DLGAP3: variants seen among roughly 807,000 people sequenced by gnomAD.
The protein encoded by DLGAP3 is disks large-associated protein 3.
DLGAP3 carries 17 observed loss-of-function variants against 81.2 expected under a neutral mutation model. That is an observed-to-expected ratio of 0.21 (90% CI 0.14 to 0.31). DLGAP3 has a LOEUF of 0.31. DLGAP3 is among the 10% of genes least tolerant of loss of function. The pLI, the probability that DLGAP3 is intolerant of heterozygous loss-of-function variation, is 1.00. For missense variants in DLGAP3, 1,124 were observed against 1,388.0 expected (o/e 0.81, Z 3.02); for synonymous variants, 577 against 587.4 (o/e 0.98, Z 0.26).
At chr1:34,869,122 C>T in intron 8 of DLGAP3, 33 bp from the exon 9 acceptor site, 1 of 1,514,948 alleles carries the variant, frequency 6.6e-7, no homozygotes. Context: ...TCCCCCATTG[C>T]CCAGGCTCAT....
Position 34,904,481 on chromosome 1 carries a change from G to A in DLGAP3, c.903C>T (p.Phe301=), listed in dbSNP as rs771376929. 2 of 1,614,204 alleles carry A rather than the reference G, an allele frequency of 1.2e-6. No homozygotes were observed. Among genetic ancestry groups the A allele is most frequent in the South Asian group, 1.1e-5 (1 of 91,090 alleles). ...GPDGSYRDLS[F]KGRSGGSEGR... ...CTTCCGACCCGCCCGAGCGCCCCTTGAAGCTCAAGTCCCGGTAGGACCCAT... is the reference window on the plus strand; with the variant it reads ...CTTCCGACCCGCCCGAGCGCCCCTTAAAGCTCAAGTCCCGGTAGGACCCAT... The change falls in exon 3 of 12, where the codon TTC becomes TTT. Residue 301 remains phenylalanine (F), a synonymous_variant. Coordinates refer to ENST00000373347, the MANE Select transcript of DLGAP3 (RefSeq NM_001080418.3). This position sits in a 1 kb window ranked among gnomAD's most constrained non-coding sequence, Gnocchi z 8.1.
chr1:34,880,243 C>G (rs1639125416), intron 8 of DLGAP3, among the ~76,000 whole-genome samples: 1 of 152,062 alleles, frequency 6.6e-6, no homozygotes, highest in Non-Finnish European at 1.5e-5. Flanking sequence ...TTGTAGAGAT[C>G]AGGTCTCACT....
intron 1 of DLGAP3, among the ~76,000 whole-genome samples, chr1:34,915,748 T>C (rs1639707994): frequency 6.6e-6 from 1 of 152,176 alleles, no homozygotes; most frequent in African/African-American, 2.4e-5. Context: ...CCTTCAAGGA[T>C]ATCTATACCT....
rs141061512 is a variant in DLGAP3 at position 34,904,452 on chromosome 1, C to T, written c.932G>A (p.Arg311His). The T allele has an allele frequency of 8.9e-5, 143 of 1,614,098 alleles. No individual in the cohort carries two copies. In the African/African-American group the frequency reaches 1.7e-3, roughly 19 times the overall value. The part of the protein sequence containing the change: ...FKGRSGGSEG[R>H]CLACTGMSMS... ...GGACATGCCAGTGCAGGCAAGGCAG[C>T]GGCCTTCCGACCCGCCCGAGCGCCC... is the stretch of plus-strand genomic sequence containing the variant. The change falls in exon 3 of 12, where the codon CGC becomes CAC. Residue 311 changes from arginine (R) to histidine (H), a missense_variant. By Grantham distance (29) the Arg-to-His change is conservative. Around this residue, in one of 9 missense-constraint regions of DLGAP3, gnomAD observed 357 missense variants for 408.8 expected, o/e 0.87. Transcript: ENST00000373347. This position sits in a 1 kb window ranked among gnomAD's most constrained non-coding sequence, Gnocchi z 8.1.
intron 8 of DLGAP3, 60 bp downstream of exon 8, chr1:34,884,918 A>G: frequency 7.9e-7 from 1 of 1,269,270 alleles, no homozygotes; most frequent in Non-Finnish European, 1.2e-6. Context: ...TGGGGACACT[A>G]TGCAGCCCTC....
Position 34,873,303 on chromosome 1 carries a change from G to C in DLGAP3, c.2001-4214C>G, listed in dbSNP as rs1327701109. Among the ~76,000 whole-genome samples the C allele has an allele frequency of 6.6e-6, 1 of 152,220 alleles. No individual in the cohort carries two copies. On this transcript the variant is annotated intron_variant, in intron 8 of 11. Coordinates refer to ENST00000373347, the MANE Select transcript of DLGAP3 (RefSeq NM_001080418.3). This position sits in a 1 kb window ranked among gnomAD's most constrained non-coding sequence, Gnocchi z 4.2. ...AATCATCACAATGAAGTGGGCGATG[G>C]GGGGTGGTTATCTGCTGGAGATGTC...
At position 34,895,426 on chromosome 1, in the gene DLGAP3, AAAG is replaced by A. The variant is rs1211142518; in HGVS notation, c.1386+4240_1386+4242del. On this transcript the variant is annotated intron_variant, in intron 5 of 11. Transcript: ENST00000373347. The surrounding 1 kb of genome is among the most constrained non-coding windows in gnomAD (Gnocchi z 4.5). The stretch of plus-strand genomic sequence containing the variant: ...AGTAAAATAAATGCTGAAAGAAATC[AAAG>A]AAGAACTGAATAAATGGAAATACAT... 2.0e-5 allele frequency among the ~76,000 whole-genome samples: 3 copies of A among 152,020 alleles called. No individual in the cohort carries two copies. The highest frequency in any genetic ancestry group is 3.9e-4 in the East Asian group (2 of 5,190).
Position 34,867,687 on chromosome 1 carries a change from G to C in DLGAP3, c.2486-60C>G. ...ATGCATCTCCTTCCCCAGCCTCCAC[G>C]AAGTCTGCCCTGAATGACGCTGACC... On this transcript the variant is annotated intron_variant, in intron 9 of 11. Coordinates refer to ENST00000373347, the MANE Select transcript of DLGAP3 (RefSeq NM_001080418.3). This position sits in a 1 kb window ranked among gnomAD's most constrained non-coding sequence, Gnocchi z 4.3. 1 of 1,407,022 alleles carries C rather than the reference G, an allele frequency of 7.1e-7. No individual in the cohort carries two copies. Among genetic ancestry groups the C allele is most frequent in the Non-Finnish European group, 1.0e-6 (1 of 995,174 alleles). The allele number at this position is 1,407,022 out of a possible 1,614,324, so 87.2% of individuals were successfully genotyped here. A position where few individuals can be genotyped will look rare whatever the true frequency, so the allele number is the denominator to read the frequency against.
At chr1:34,925,814 T>G (rs1235830737) in intron 1 of DLGAP3, among the ~76,000 whole-genome samples, 1 of 152,070 alleles carries the variant, frequency 6.6e-6, no homozygotes, top group African/African-American at 2.4e-5. Context: ...AGCTCTTAAC[T>G]GGAAGGAAGA....
chr1:34,916,759 G>A (rs188009611), intron 1 of DLGAP3, among the ~76,000 whole-genome samples: 5 of 151,534 alleles, frequency 3.3e-5, no homozygotes, highest in East Asian at 3.9e-4. Context: ...GCAGTGGCAC[G>A]ATCTCAGCTC....
At chr1:34,866,657 A>G (rs1166134786) in intron 11 of DLGAP3, among the ~76,000 whole-genome samples, 1 of 152,216 alleles carries the variant, frequency 6.6e-6, no homozygotes, top group Admixed American at 6.5e-5. Context: ...CTCATCGCAG[A>G]CAAGGTCCAG....
At position 34,901,021 on chromosome 1, in the gene DLGAP3, G is replaced by A. The variant is rs771853917; in HGVS notation, c.1108-748C>T. On this transcript the variant is annotated intron_variant, in intron 3 of 11. Coordinates refer to ENST00000373347, the MANE Select transcript of DLGAP3 (RefSeq NM_001080418.3). Reference sequence around the variant, plus strand: ...TGAGGACCTGGGGGAGGGTGCTGCCGCTCACTGAGCCATAGAACCCCAGAG... The same window carrying A: ...TGAGGACCTGGGGGAGGGTGCTGCCACTCACTGAGCCATAGAACCCCAGAG... 2.5e-4 allele frequency among the ~76,000 whole-genome samples: 38 copies of A among 152,210 alleles called. 1 individual carries two copies. Among genetic ancestry groups the A allele is most frequent in the Admixed American group, 2.2e-3 (33 of 15,290 alleles).
At chr1:34,928,590 G>A (rs545273705) in intron 1 of DLGAP3, among the ~76,000 whole-genome samples, 2 of 152,236 alleles carry the variant, frequency 1.3e-5, no homozygotes, top group South Asian at 4.1e-4. Context: ...ATCTGACCTC[G>A]GAAAAGTCTC....
In DLGAP3 at chr1:34,886,369, CCT is replaced by C. The variant is rs1639230246; in HGVS notation, c.1387-86_1387-85del. On this transcript the variant is annotated intron_variant, in intron 5 of 11. Transcript: ENST00000373347. ...TGGGGTGCTCTGCCTTAGGGGAAGA[CCT>C]CTCTATATCTGCAGAGGCTGTAGGC... The C allele has an allele frequency of 1.2e-5, 16 of 1,294,224 alleles. No individual in the cohort carries two copies. The South Asian group carries it at 1.3e-4, about 11-fold the overall frequency. The allele number at this position is 1,294,224 out of a possible 1,614,324, so 80.2% of individuals were successfully genotyped here.
intron 5 of DLGAP3, among the ~76,000 whole-genome samples, chr1:34,896,463 C>T (rs1027428855): frequency 7.2e-5 from 11 of 152,090 alleles, no homozygotes; most frequent in Non-Finnish European, 1.3e-4. Context: ...GTGGCGCACA[C>T]GTGTAATCCC....
chr1:34,892,799 C>G (rs1270185459), intron 5 of DLGAP3, among the ~76,000 whole-genome samples: 4 of 152,190 alleles, frequency 2.6e-5, no homozygotes, highest in Non-Finnish European at 4.4e-5. Context: ...ATGTTGAAAG[C>G]TGAAAACAGA....
chr1:34,870,063 G>A (rs570750425), intron 8 of DLGAP3, among the ~76,000 whole-genome samples: 1 of 152,312 alleles, frequency 6.6e-6, no homozygotes, highest in South Asian at 2.1e-4. Context: ...CCAGAGCCTG[G>A]CCAGACACAG....
At chr1:34,909,890 C>T (rs1160846877) in intron 1 of DLGAP3, among the ~76,000 whole-genome samples, 1 of 152,220 alleles carries the variant, frequency 6.6e-6, no homozygotes, top group African/African-American at 2.4e-5. Context: ...GGCTGACTCG[C>T]TAAAATTCAT....
In DLGAP3 at chr1:34,904,284, T is replaced by G; in HGVS notation, c.1100A>C (p.Tyr367Ser). 2 of 1,604,340 alleles carry G rather than the reference T, an allele frequency of 1.2e-6. No individual in the cohort carries two copies. The highest frequency in any genetic ancestry group is 1.7e-6 in the Non-Finnish European group (2 of 1,179,980). Residue 367 changes from tyrosine (Y) to serine (S), a missense_variant, in exon 3 of 12, where the codon TAT becomes TCT. Tyr to Ser is a moderately radical substitution (Grantham distance 144). Coordinates refer to ENST00000373347, the MANE Select transcript of DLGAP3 (RefSeq NM_001080418.3). The surrounding 1 kb of genome is among the most constrained non-coding windows in gnomAD (Gnocchi z 8.1). ...ETKAKARTYH[Y>S]LQVPQDDWGG... ...ACCCCAAAAAAGCCTCACCTGCAGA[T>G]AGTGATAAGTCCTGGCTTTGGCCTT...
Sources: allele counts gnomAD v4.1 joint callset (sites outside exome capture counted in the v4.1 genomes callset), GRCh38; gene constraint gnomAD v4.1.1; regional missense constraint gnomAD v4.1.1; non-coding constraint Gnocchi (gnomAD v3.1); transcripts MANE v1.5; gene names NCBI Gene and HGNC (gene_info 2026-07-23, HGNC 2026-07-21).